The following ZNF69 variants were observed in gnomAD, a reference collection of about 807,000 sequenced individuals.
ZNF69 encodes zinc finger protein 69, also known as ZNF3.
In ZNF69, 47 loss-of-function variants were observed where a neutral mutation model predicts 50.9. That is an observed-to-expected ratio of 0.92 (90% CI 0.73 to 1.18). ZNF69 has a LOEUF of 1.18. ZNF69 is among the 50% of genes most tolerant of loss of function. The pLI is 0.00. For missense variants in ZNF69, 717 were observed against 675.1 expected, an observed-to-expected ratio of 1.06 and a Z score of -0.69; for synonymous variants, 216 against 223.1, an observed-to-expected ratio of 0.97 and a Z score of 0.29.
At chr19:11,939,234 G>C in the ZNF69 span, among the ~76,000 whole-genome samples, 1 of 152,138 alleles carries the variant, frequency 6.6e-6, no homozygotes, top group Non-Finnish European at 1.5e-5. Context: ...AGTTTAATTA[G>C]ATCCCATTTG....
At chr19:11,946,868 T>C in the ZNF69 span, 1 of 297,822 alleles carries the variant, frequency 3.4e-6, no homozygotes, top group Non-Finnish European at 6.0e-6. Context: ...CGCGTGGTGG[T>C]ACATGCCTAT....
At chr19:11,898,515 G>C (rs141645070) in intron 1 of ZNF69, among the ~76,000 whole-genome samples, 2 of 150,684 alleles carry the variant, frequency 1.3e-5, no homozygotes, top group African/African-American at 4.9e-5. Context: ...CTCAGCCTCC[G>C]GAGTAGCTGG....
chr19:11,939,373 T>A, the ZNF69 span, among the ~76,000 whole-genome samples: 1,494 of 152,320 alleles, frequency 9.8e-3, 62 homozygotes, highest in Admixed American at 0.071. Flanking sequence ...AACATTTAAG[T>A]CTTTAATCCA....
chr19:11,978,799 C>T, the ZNF69 span: 1 of 1,614,110 alleles, frequency 6.2e-7, no homozygotes, highest in Non-Finnish European at 8.5e-7. Flanking sequence ...TGTGGCAAAT[C>T]CTTCAGTTGG....
the ZNF69 span, among the ~76,000 whole-genome samples, chr19:11,959,643 G>C: frequency 6.6e-6 from 1 of 152,072 alleles, no homozygotes; most frequent in Non-Finnish European, 1.5e-5. Flanking sequence ...CTCTTATTTC[G>C]CTGCTTAATG....
exon 5 of ZNF69, chr19:11,914,143 C>A (rs1488874881): frequency 6.6e-6 from 1 of 152,074 alleles, no homozygotes; most frequent in Non-Finnish European, 1.5e-5. Flanking sequence ...TGATCAAACC[C>A]CGTCTCTACT....
chr19:11,937,657 T>G, the ZNF69 span, among the ~76,000 whole-genome samples: 1 of 151,494 alleles, frequency 6.6e-6, no homozygotes, highest in East Asian at 1.9e-4. Context: ...CTTGGCTAAT[T>G]TTTTGTATTT....
At chr19:11,965,133 C>T in the ZNF69 span, 1 of 1,604,022 alleles carries the variant, frequency 6.2e-7, no homozygotes, top group South Asian at 1.1e-5. Flanking sequence ...GTTTCTATCG[C>T]TCTGTCTCCT....
At chr19:11,973,024 G>T in the ZNF69 span, among the ~76,000 whole-genome samples, 1 of 152,074 alleles carries the variant, frequency 6.6e-6, no homozygotes, top group Non-Finnish European at 1.5e-5. Flanking sequence ...GGAAATTGAA[G>T]AAACCAATAT....
At chr19:11,927,150 C>T in the ZNF69 span, among the ~76,000 whole-genome samples, 22 of 152,138 alleles carry the variant, frequency 1.4e-4, no homozygotes, top group Non-Finnish European at 1.9e-4. Context: ...GTCAGGAGTT[C>T]GAGACCAGCC....
At chr19:11,921,044 C>A in the ZNF69 span, among the ~76,000 whole-genome samples, 1 of 152,190 alleles carries the variant, frequency 6.6e-6, no homozygotes, top group Non-Finnish European at 1.5e-5. Flanking sequence ...AAGCTTCCTG[C>A]AGAGCTGTGT....
At chr19:11,944,221 C>G in the ZNF69 span, among the ~76,000 whole-genome samples, 10 of 152,180 alleles carry the variant, frequency 6.6e-5, no homozygotes, top group Admixed American at 6.5e-4. Flanking sequence ...TCACCTAATT[C>G]TCAGGGAGTG....
the ZNF69 span, among the ~76,000 whole-genome samples, chr19:11,964,062 G>A: frequency 9.2e-5 from 14 of 152,246 alleles, no homozygotes; most frequent in Non-Finnish European, 1.6e-4. Context: ...AACCTGCAGG[G>A]GGCAGCAGAG....
the ZNF69 span, among the ~76,000 whole-genome samples, chr19:11,965,547 G>A: frequency 2.6e-5 from 4 of 152,352 alleles, no homozygotes; most frequent in South Asian, 6.2e-4. Flanking sequence ...TGTAGGGTTC[G>A]TGCGTGGGAG....
chr19:11,970,101 CT>C, the ZNF69 span, among the ~76,000 whole-genome samples: 1 of 152,188 alleles, frequency 6.6e-6, no homozygotes, highest in Non-Finnish European at 1.5e-5. Context: ...ATAACCAATT[CT>C]TGGGGTGCTC....
At chr19:11,896,507 C>T (rs560234191) in intron 1 of ZNF69, among the ~76,000 whole-genome samples, 3 of 152,070 alleles carry the variant, frequency 2.0e-5, no homozygotes, top group East Asian at 1.9e-4. Context: ...GGTAAGGGCC[C>T]GCTTCCTGGT....
downstream of ZNF69, among the ~76,000 whole-genome samples, chr19:11,918,404 A>G (rs1033533452): frequency 3.3e-5 from 5 of 152,030 alleles, no homozygotes; most frequent in African/African-American, 4.8e-5. Flanking sequence ...CATTTTTCTT[A>G]TATAATCTTT....
chr19:11,971,994 A>G, the ZNF69 span, among the ~76,000 whole-genome samples: 5 of 151,960 alleles, frequency 3.3e-5, no homozygotes, highest in Non-Finnish European at 7.4e-5. Flanking sequence ...CCCAGGAGAC[A>G]GAGATTGCAG....
rs1276781092 is a variant in ZNF69, at chr19:11,906,092, G to A, written c.1695G>A (p.Lys565=). 1.9e-6 allele frequency: 3 copies of A among 1,610,562 alleles called. No homozygotes were observed. Among genetic ancestry groups the A allele is most frequent in the Non-Finnish European group, 2.5e-6 (3 of 1,178,932 alleles). ...THPEDKPYEC[K]Q is the part of the protein sequence containing the mutation. ...CTGAAGATAAACCCTATGAGTGTAA[G>A]CAATGAGGGAAAGCCTTCAGATCTG... is the stretch of plus-strand genomic sequence containing the variant. The change falls in exon 4 of 4, where the codon AAG becomes AAA. Residue 565 remains lysine (K), a synonymous_variant. Transcript: ENST00000429654.
Sources: gnomAD v4.1 joint callset for allele counts (sites outside exome capture counted in the v4.1 genomes callset) on GRCh38, gnomAD v4.1.1 for gene constraint, MANE v1.5 for transcripts, NCBI Gene and HGNC (gene_info 2026-07-23, HGNC 2026-07-21) for gene names.